PRPF31: variants seen among roughly 807,000 people sequenced by gnomAD.
PRPF31 encodes the protein pre-mRNA processing factor 31.
A neutral mutation model predicts 60.4 loss-of-function variants in PRPF31; 12 were observed. The observed-to-expected ratio is 0.20, with a 90% CI of 0.13 to 0.32. The LOEUF (loss-of-function observed/expected upper bound fraction) is 0.32, where lower values mean the gene tolerates loss of function less well. PRPF31 is among the 10% of genes least tolerant of loss of function. PRPF31 has a pLI of 1.00. For synonymous variants in PRPF31, 287 were observed against 287.9 expected (o/e 1.00, Z 0.03); for missense variants, 431 against 687.1 (o/e 0.63, Z 4.17).
intron 3 of PRPF31, among the ~76,000 whole-genome samples, chr19:54,121,333 G>A (rs2073783081): frequency 6.6e-6 from 1 of 151,780 alleles, no homozygotes; most frequent in Non-Finnish European, 1.5e-5. Flanking sequence ...TAGGAGGAGT[G>A]GGTGTCTGGG....
rs750069501 is a variant in PRPF31, at chr19:54,131,285, CCT to C, written c.1375-16_1375-15del. 3 of 1,613,626 alleles carry C rather than the reference CCT, an allele frequency of 1.9e-6. No individual in the cohort carries two copies. Among genetic ancestry groups the C allele is most frequent in the East Asian group, 2.2e-5 (1 of 44,892 alleles). On this transcript the variant is annotated intron_variant, in intron 13 of 13. Transcript: ENST00000321030. ...GCCTTCTCCTCACCTAACCCATCAT[CCT>C]CTCTCCCTCACCTGCCCAGGGCCTG...
intron 8 of PRPF31, chr19:54,125,006 G>T: frequency 2.3e-6 from 1 of 436,528 alleles, no homozygotes; most frequent in South Asian, 2.4e-5. Context: ...GCGTGCAACT[G>T]CTCCGAAGAC....
intron 8 of PRPF31, among the ~76,000 whole-genome samples, chr19:54,126,259 C>T (rs1424867466): frequency 6.6e-6 from 1 of 152,210 alleles, no homozygotes; most frequent in African/African-American, 2.4e-5. Flanking sequence ...CCGGCGTCTC[C>T]ACAGTCACCA....
At chr19:54,123,636 ACACG>A in intron 6 of PRPF31, 76 bp downstream of exon 6, 2 of 1,596,728 alleles carry the variant, frequency 1.3e-6, no homozygotes, top group Non-Finnish European at 1.7e-6. Context: ...GCAGGTGTAC[ACACG>A]CACACACACA....
At chr19:54,122,225 C>T (rs1174305682) in intron 4 of PRPF31, 1 of 620,248 alleles carries the variant, frequency 1.6e-6, no homozygotes. Flanking sequence ...GACTGCCCCA[C>T]CTCCAGCCAT....
At chr19:54,130,274 A>G (rs1384764735) in intron 13 of PRPF31, among the ~76,000 whole-genome samples, 3 of 132,334 alleles carry the variant, frequency 2.3e-5, no homozygotes, top group African/African-American at 8.5e-5. Flanking sequence ...GTGTAGGAGA[A>G]GGCAGAAATG....
At chr19:54,121,816 G>T in intron 3 of PRPF31, 44 bp from the exon 4 acceptor site, 1 of 1,560,292 alleles carries the variant, frequency 6.4e-7, no homozygotes, top group Admixed American at 1.9e-5. Context: ...CCGAGAGGGG[G>T]TAGGGATTTA....
chr19:54,127,276 T>C (rs2073944021), intron 9 of PRPF31, among the ~76,000 whole-genome samples: 1 of 152,148 alleles, frequency 6.6e-6, no homozygotes, highest in South Asian at 2.1e-4. Context: ...TTCCAGCTTC[T>C]AGGGGTCACT....
intron 3 of PRPF31, chr19:54,120,044 G>A (rs762576681): frequency 2.0e-5 from 3 of 152,266 alleles, no homozygotes; most frequent in African/African-American, 7.2e-5. Flanking sequence ...AGCCACAGGA[G>A]GGACTGGCTG....
At chr19:54,128,224 A>T in intron 10 of PRPF31, 24 bp downstream of exon 10, 1 of 1,568,146 alleles carries the variant, frequency 6.4e-7, no homozygotes, top group Non-Finnish European at 8.6e-7. Context: ...GGGGTCCGGT[A>T]GGCATGGGGG....
chr19:54,118,502 T>C, intron 2 of PRPF31, 47 bp downstream of exon 2: 1 of 1,613,776 alleles, frequency 6.2e-7, no homozygotes, highest in Non-Finnish European at 8.5e-7. Flanking sequence ...AGACAGAATC[T>C]CCCAGAAGGG....
chr19:54,118,084 T>C (rs2073694241), intron 1 of PRPF31, among the ~76,000 whole-genome samples, 187 bp from the exon 2 acceptor site: 1 of 152,162 alleles, frequency 6.6e-6, no homozygotes, highest in Admixed American at 6.6e-5. Context: ...GTGCTGCGTC[T>C]TGCACAGGTC....
At chr19:54,116,453 G>A (rs771970257) in intron 1 of PRPF31, among the ~76,000 whole-genome samples, 36 of 152,170 alleles carry the variant, frequency 2.4e-4, no homozygotes, top group Middle Eastern at 3.4e-3. Flanking sequence ...TGATCCACCC[G>A]CCTGGGCCTC....
chr19:54,124,983 CAGCGTCGGGTT>C (rs1181885862), intron 8 of PRPF31: 2 of 493,738 alleles, frequency 4.1e-6, no homozygotes, highest in Admixed American at 6.7e-5. Flanking sequence ...TCACGACAAG[CAGCGTCGGGTT>C]AGCGTGCAAC....
At chr19:54,126,397 A>T in intron 8 of PRPF31, 131 bp from the exon 9 acceptor site, 1 of 806,160 alleles carries the variant, frequency 1.2e-6, no homozygotes, top group Non-Finnish European at 2.1e-6. Context: ...ACACACCTCT[A>T]GAGCCCAAGG....
chr19:54,131,109 C>T (rs777827518), intron 13 of PRPF31, among the ~76,000 whole-genome samples, 198 bp from the exon 14 acceptor site: 7 of 152,152 alleles, frequency 4.6e-5, no homozygotes, highest in African/African-American at 7.2e-5. Context: ...ATCCAGGCGC[C>T]CTGGTTCCTC....
intron 4 of PRPF31, 39 bp from the exon 5 acceptor site, chr19:54,122,458 T>G (rs769948013): frequency 6.8e-7 from 1 of 1,478,230 alleles, no homozygotes; most frequent in East Asian, 2.3e-5. Flanking sequence ...GAGTCTACCT[T>G]CCATCTCACC....
In PRPF31 at chr19:54,126,522, C is replaced by G. The variant is rs1267464832; in HGVS notation, c.856-6C>G. On this transcript the variant is annotated splice_polypyrimidine_tract_variant and splice_region_variant and intron_variant, in intron 8 of 13. Coordinates refer to ENST00000321030, the MANE Select transcript of PRPF31 (RefSeq NM_015629.4). ...CAGATTCCACCCCCGTTTTCCGTTG[C>G]TCCAGGATCTGCGGCGGAAAGCGGC... is the stretch of plus-strand genomic sequence containing the variant. 1 of 1,612,398 alleles carries G rather than the reference C, an allele frequency of 6.2e-7. No individual in the cohort carries two copies. Among genetic ancestry groups the G allele is most frequent in the African/African-American group, 1.3e-5 (1 of 74,928 alleles).
At chr19:54,125,704 T>C (rs1451112066) in intron 8 of PRPF31, among the ~76,000 whole-genome samples, 1 of 152,092 alleles carries the variant, frequency 6.6e-6, no homozygotes, top group Non-Finnish European at 1.5e-5. Context: ...GGGGTTTTTT[T>C]TGTGGTCTTT....
Sources: allele counts gnomAD v4.1 joint callset (sites outside exome capture counted in the v4.1 genomes callset), GRCh38; gene constraint gnomAD v4.1.1; transcripts MANE v1.5; gene names NCBI Gene and HGNC (gene_info 2026-07-23, HGNC 2026-07-21).